Variants in SLC24A2 observed in about 807,000 individuals in gnomAD.
SLC24A2 encodes sodium/potassium/calcium exchanger 2.
In SLC24A2, 36 loss-of-function variants were observed where a neutral mutation model predicts 62.0. The observed-to-expected ratio is 0.58, with a 90% CI of 0.44 to 0.77. The LOEUF is 0.77. SLC24A2 is among the 30% of genes least tolerant of loss of function. The pLI is 0.00. For missense variants in SLC24A2, 846 were observed against 817.9 expected, an observed-to-expected ratio of 1.03 and a Z score of -0.42; for synonymous variants, 358 against 294.0, an observed-to-expected ratio of 1.22 and a Z score of -2.23.
intron 8 of SLC24A2, among the ~76,000 whole-genome samples, chr9:19,528,438 T>TTC (rs1833536900): frequency 6.6e-6 from 1 of 152,174 alleles, no homozygotes; most frequent in African/African-American, 2.4e-5. Context: ...CTCTTGTCCT[T>TTC]TCTAAGGCCT....
At chr9:20,305,949 C>A in the SLC24A2 span, among the ~76,000 whole-genome samples, 1 of 152,164 alleles carries the variant, frequency 6.6e-6, no homozygotes, top group Non-Finnish European at 1.5e-5. Context: ...TCTGCCTTCA[C>A]GTGGTCTTTT....
chr9:20,178,863 G>A, the SLC24A2 span, among the ~76,000 whole-genome samples: 1 of 152,068 alleles, frequency 6.6e-6, no homozygotes, highest in Non-Finnish European at 1.5e-5. Flanking sequence ...GAGTCAGCAG[G>A]TATACTCTCA....
the SLC24A2 span, among the ~76,000 whole-genome samples, chr9:19,964,901 G>C: frequency 6.6e-6 from 1 of 152,158 alleles, no homozygotes; most frequent in African/African-American, 2.4e-5. Context: ...AGTAAGGTGA[G>C]AAGCAACGAG....
intron 2 of SLC24A2, among the ~76,000 whole-genome samples, chr9:19,661,194 G>A (rs372657827): frequency 3.6e-4 from 47 of 130,132 alleles, no homozygotes; most frequent in African/African-American, 1.2e-3. Flanking sequence ...AGACTTAAAT[G>A]ACCTTTTTTT....
At chr9:19,924,866 G>T in the SLC24A2 span, among the ~76,000 whole-genome samples, 7 of 152,124 alleles carry the variant, frequency 4.6e-5, no homozygotes, top group African/African-American at 1.7e-4. Flanking sequence ...CTATCCTTCA[G>T]CTCATTTGGC....
chr9:20,149,834 G>C, the SLC24A2 span, among the ~76,000 whole-genome samples: 1 of 152,132 alleles, frequency 6.6e-6, no homozygotes, highest in South Asian at 2.1e-4. Flanking sequence ...ATTGCCAAGG[G>C]ACACTTTTAG....
intron 2 of SLC24A2, among the ~76,000 whole-genome samples, chr9:19,731,720 C>T (rs1821344518): frequency 6.6e-6 from 1 of 152,174 alleles, no homozygotes; most frequent in Non-Finnish European, 1.5e-5. Context: ...TATAGCAGCC[C>T]AAGCTGACTA....
intron 2 of SLC24A2, among the ~76,000 whole-genome samples, chr9:19,716,584 T>C (rs1820867049): frequency 6.6e-6 from 1 of 152,222 alleles, no homozygotes; most frequent in African/African-American, 2.4e-5. Context: ...GGTGTTCTTT[T>C]AGGGCTGATG....
Position 19,511,145 on chromosome 9 carries a change from A to C in SLC24A2, c.*5008T>G, listed in dbSNP as rs1400922010. ...ACATGCCACAACCTGCGCAGGTCCAAAGCTCCTGGTGAAAAAGGAATATTG... is the reference window on the plus strand; with the variant it reads ...ACATGCCACAACCTGCGCAGGTCCACAGCTCCTGGTGAAAAAGGAATATTG... On this transcript the variant is annotated 3_prime_UTR_variant, in exon 11 of 11. Transcript: ENST00000341998. 1 of 152,156 alleles carries C rather than the reference A, an allele frequency of 6.6e-6. No individual in the cohort carries two copies. Among genetic ancestry groups the C allele is most frequent in the Non-Finnish European group, 1.5e-5 (1 of 68,040 alleles). The allele number at this position is 152,156 out of a possible 1,614,324, so 9.4% of individuals were successfully genotyped here.
intron 2 of SLC24A2, among the ~76,000 whole-genome samples, chr9:19,678,386 T>G (rs1205910737): frequency 7.2e-5 from 11 of 152,206 alleles, no homozygotes; most frequent in Non-Finnish European, 1.6e-4. Context: ...GGCATGCATC[T>G]GTAGACTTCA....
chr9:20,267,088 C>G, the SLC24A2 span, among the ~76,000 whole-genome samples: 3 of 148,052 alleles, frequency 2.0e-5, no homozygotes, highest in African/African-American at 7.5e-5. Context: ...TTTGGTTTAA[C>G]TGACAAAACA....
the SLC24A2 span, among the ~76,000 whole-genome samples, chr9:19,879,518 C>G: frequency 6.6e-6 from 1 of 152,114 alleles, no homozygotes; most frequent in East Asian, 1.9e-4. Context: ...GTTATAAAGA[C>G]TTGAATGTTA....
the SLC24A2 span, among the ~76,000 whole-genome samples, chr9:19,829,816 C>CACATATATATAT: frequency 2.1e-5 from 1 of 48,766 alleles, no homozygotes; most frequent in Non-Finnish European, 5.1e-5. Flanking sequence ...TATATACACA[C>CACATATATATAT]ACACACACAC....
intron 4 of SLC24A2, among the ~76,000 whole-genome samples, chr9:19,603,425 G>C (rs1462313340): frequency 6.6e-6 from 1 of 152,042 alleles, no homozygotes; most frequent in Non-Finnish European, 1.5e-5. Context: ...GCTGTGTACA[G>C]ATAGGCCTGT....
At chr9:19,692,322 C>T (rs148509111) in intron 2 of SLC24A2, among the ~76,000 whole-genome samples, 28 of 152,264 alleles carry the variant, frequency 1.8e-4, no homozygotes, top group African/African-American at 6.7e-4. Context: ...CAGATTTCTA[C>T]AGGTTTTTTT....
intron 2 of SLC24A2, among the ~76,000 whole-genome samples, chr9:19,700,011 G>C (rs897948092): frequency 2.0e-5 from 3 of 152,128 alleles, no homozygotes; most frequent in African/African-American, 7.2e-5. Flanking sequence ...AGAGTCCCGA[G>C]CCTCTGTAAT....
chr9:19,523,610 C>G (rs1206571653), intron 9 of SLC24A2, among the ~76,000 whole-genome samples: 1 of 152,036 alleles, frequency 6.6e-6, no homozygotes, highest in Non-Finnish European at 1.5e-5. Context: ...TTACAGGCAT[C>G]TGCCACCATG....
At chr9:19,834,357 A>C in the SLC24A2 span, among the ~76,000 whole-genome samples, 1 of 152,148 alleles carries the variant, frequency 6.6e-6, no homozygotes. Context: ...TAACTAGAAT[A>C]ACCAATGCAG....
the SLC24A2 span, among the ~76,000 whole-genome samples, chr9:20,190,704 A>G: frequency 6.6e-6 from 1 of 152,198 alleles, no homozygotes; most frequent in Non-Finnish European, 1.5e-5. Context: ...TGTATTAGTC[A>G]TGAGCTTGAA....
Sources: allele counts gnomAD v4.1 joint callset (sites outside exome capture counted in the v4.1 genomes callset), GRCh38; gene constraint gnomAD v4.1.1; transcripts MANE v1.5; gene names NCBI Gene and HGNC (gene_info 2026-07-23, HGNC 2026-07-21).